The following GALNT6 variants were observed in gnomAD, a reference collection of about 807,000 sequenced individuals.
GALNT6 encodes GalNAc transferase 6.
In GALNT6, 51 loss-of-function variants were observed where a neutral mutation model predicts 65.9. That is an observed-to-expected ratio of 0.77 (90% confidence interval 0.62 to 0.98). The LOEUF (loss-of-function observed/expected upper bound fraction) is 0.98, where lower values mean the gene tolerates loss of function less well. GALNT6 is among the 50% of genes least tolerant of loss of function. The pLI, the probability that GALNT6 is intolerant of heterozygous loss-of-function variation, is 0.00. For missense variants in GALNT6, 708 were observed against 803.3 expected (o/e 0.88, Z 1.43); for synonymous variants, 323 against 315.1 (o/e 1.02, Z -0.26).
chr12:51,365,710 A>C (rs1250075523), intron 4 of GALNT6, 131 bp from the exon 5 acceptor site: 1 of 792,582 alleles, frequency 1.3e-6, no homozygotes, highest in Non-Finnish European at 1.9e-6. Flanking sequence ...TGCTGTACTG[A>C]GCCATTCCAC....
At chr12:51,376,695 G>T (rs1947467132) in intron 4 of GALNT6, among the ~76,000 whole-genome samples, 1 of 151,868 alleles carries the variant, frequency 6.6e-6, no homozygotes, top group Non-Finnish European at 1.5e-5. Context: ...TCAGGGCAGG[G>T]TCTGTCTCCT....
At chr12:51,380,759 C>G (rs1047844258) in intron 2 of GALNT6, among the ~76,000 whole-genome samples, 1 of 152,022 alleles carries the variant, frequency 6.6e-6, no homozygotes, top group Non-Finnish European at 1.5e-5. Flanking sequence ...CCACTGCACT[C>G]CAGCCTGGGC....
intron 5 of GALNT6, among the ~76,000 whole-genome samples, chr12:51,365,180 C>T (rs1198801949): frequency 6.6e-6 from 1 of 152,096 alleles, no homozygotes; most frequent in Admixed American, 6.6e-5. Context: ...ATGTCCGGGG[C>T]CCCGGTGATC....
chr12:51,364,431 C>T, intron 5 of GALNT6, 76 bp from the exon 6 acceptor site: 1 of 1,007,874 alleles, frequency 9.9e-7, no homozygotes, highest in Non-Finnish European at 1.5e-6. Context: ...GGAGGGAATG[C>T]CCAGGAGGAT....
chr12:51,362,482 G>A (rs1167243957), intron 6 of GALNT6, among the ~76,000 whole-genome samples: 1 of 152,152 alleles, frequency 6.6e-6, no homozygotes, highest in Admixed American at 6.5e-5. Context: ...TGCTACCGGG[G>A]CATGTGGGCC....
Position 51,359,270 on chromosome 12 carries a change from C to T in GALNT6, c.1230G>A (p.Arg410=). Residue 410 remains arginine, a synonymous_variant, in exon 8 of 12, where the codon CGG becomes CGA. Transcript: ENST00000356317. The part of the protein sequence containing the change: ...IPCSVVGHVF[R]TKSPHTFPKG... The stretch of plus-strand genomic sequence containing the variant: ...TGGGGAAGGTGTGGGGGCTCTTGGT[C>T]CGGAACACATGGCCTACGACAGAGC... 1 of 1,614,068 alleles carries T rather than the reference C, an allele frequency of 6.2e-7. No individual in the cohort carries two copies. Among genetic ancestry groups the T allele is most frequent in the East Asian group, 2.2e-5 (1 of 44,884 alleles).
At chr12:51,365,692 C>G (rs1947079936) in intron 4 of GALNT6, 113 bp from the exon 5 acceptor site, 5 of 1,038,102 alleles carry the variant, frequency 4.8e-6, no homozygotes, top group African/African-American at 1.6e-5. Flanking sequence ...TTTTAAACCC[C>G]CAACACCTGC....
At chr12:51,357,311 A>G (rs1420336633) in intron 10 of GALNT6, 38 bp downstream of exon 10, 4 of 1,291,244 alleles carry the variant, frequency 3.1e-6, no homozygotes, top group South Asian at 1.2e-5. Context: ...GGAGCCGGTG[A>G]GGAGAGGAGA....
chr12:51,356,353 CTTTTTT>C (rs58408607), intron 10 of GALNT6, among the ~76,000 whole-genome samples: 7 of 66,940 alleles, frequency 1.0e-4, no homozygotes, highest in Non-Finnish European at 1.6e-4. Flanking sequence ...TATATTTTCT[CTTTTTT>C]TTTTTTTTTT....
intron 1 of GALNT6, 167 bp downstream of exon 1, chr12:51,391,120 T>C (rs1948076200): frequency 2.0e-5 from 3 of 152,318 alleles, no homozygotes. Flanking sequence ...CCCCTTCTGC[T>C]CAGGCGCAAC....
In GALNT6 at chr12:51,360,696, C is replaced by T. The variant is rs766056682; in HGVS notation, c.1167+25G>A. ...GCTGTCGCCTGGGATGTTGTGGTTC[C>T]CCCCAAAGCCCTCTTCACTCTCACC... On this transcript the variant is annotated intron_variant, in intron 7 of 11. Transcript: ENST00000356317. 11 of 1,345,108 alleles carry T rather than the reference C, an allele frequency of 8.2e-6. No homozygotes were observed. In the South Asian group the frequency reaches 1.3e-4, roughly 16 times the overall value. 83.3% of individuals were successfully genotyped at this position (1,345,108 alleles called of 1,614,324 possible).
intron 2 of GALNT6, among the ~76,000 whole-genome samples, chr12:51,381,256 A>G (rs147935587): frequency 1.3e-3 from 200 of 152,278 alleles, no homozygotes; most frequent in African/African-American, 4.7e-3. Flanking sequence ...AATAAATAAA[A>G]GTTATCTGTA....
intron 4 of GALNT6, among the ~76,000 whole-genome samples, 191 bp from the exon 5 acceptor site, chr12:51,365,770 G>C (rs1947081889): frequency 6.6e-6 from 1 of 152,206 alleles, no homozygotes; most frequent in South Asian, 2.1e-4. Flanking sequence ...GGGAGAGGAA[G>C]AAAGAAGCCC....
At position 51,387,954 on chromosome 12, in the gene GALNT6, G is replaced by T. The variant is rs1330748455; in HGVS notation, c.-104+2896C>A. Among the ~76,000 whole-genome samples the T allele has an allele frequency of 6.6e-6, 1 of 152,066 alleles. No homozygotes were observed. Among genetic ancestry groups the T allele is most frequent in the African/African-American group, 2.4e-5 (1 of 41,390 alleles). ...GCTCTTGGCTGCAGAACTTTCACCC[G>T]GGGCCACTGGCTACTCAATGTACCA... On this transcript the variant is annotated intron_variant, in intron 2 of 11. Transcript: ENST00000356317. The surrounding 1 kb of genome is among the most constrained non-coding windows in gnomAD (Gnocchi z 4.2).
chr12:51,369,877 A>G (rs1947233023), intron 4 of GALNT6, among the ~76,000 whole-genome samples: 1 of 151,162 alleles, frequency 6.6e-6, no homozygotes, highest in Non-Finnish European at 1.5e-5. Context: ...CTTCTATACC[A>G]CTCTCCTCAA....
intron 7 of GALNT6, chr12:51,360,210 G>A (rs932433553): frequency 3.3e-5 from 5 of 152,372 alleles, no homozygotes; most frequent in Admixed American, 3.3e-4. Context: ...GTCCACCAGA[G>A]TTGGGGCCAC....
At chr12:51,354,587 A>G in intron 11 of GALNT6, 95 bp from the exon 12 acceptor site, 1 of 709,740 alleles carries the variant, frequency 1.4e-6, no homozygotes, top group Non-Finnish European at 2.4e-6. Context: ...ACAAAAGCCA[A>G]GGGAACCCCA....
At chr12:51,385,683 C>T (rs1318671993) in intron 2 of GALNT6, among the ~76,000 whole-genome samples, 1 of 152,148 alleles carries the variant, frequency 6.6e-6, no homozygotes, top group Admixed American at 6.5e-5. Context: ...CCTGCTTTGC[C>T]CCCTTAGCAC....
chr12:51,361,738 T>C (rs1414503468), intron 6 of GALNT6, among the ~76,000 whole-genome samples: 1 of 151,806 alleles, frequency 6.6e-6, no homozygotes, highest in East Asian at 1.9e-4. Context: ...AATGCTGGGG[T>C]GGGGGCCGGT....
Sources: allele counts gnomAD v4.1 joint callset (sites outside exome capture counted in the v4.1 genomes callset), GRCh38; gene constraint gnomAD v4.1.1; non-coding constraint Gnocchi (gnomAD v3.1); transcripts MANE v1.5; gene names NCBI Gene and HGNC (gene_info 2026-07-23, HGNC 2026-07-21).